Variants in DENND2B observed in about 807,000 individuals in gnomAD.
DENND2B encodes the protein DENN domain-containing protein 2B.
In DENND2B, 32 loss-of-function variants were observed where a neutral mutation model predicts 116.0. The ratio of observed to expected loss-of-function variants is 0.28; its 90% CI spans 0.21 to 0.37. The LOEUF is 0.37. DENND2B is among the 10% of genes least tolerant of loss of function. The pLI is 1.00. For missense variants in DENND2B, 1,276 were observed against 1,477.7 expected, an observed-to-expected ratio of 0.86 and a Z score of 2.24; for synonymous variants, 588 against 583.9, an observed-to-expected ratio of 1.01 and a Z score of -0.10.
chr11:8,830,441 G>A (rs191553633), intron 4 of DENND2B, among the ~76,000 whole-genome samples: 1 of 152,270 alleles, frequency 6.6e-6, no homozygotes, highest in Admixed American at 6.5e-5. Flanking sequence ...TTCTCTACTT[G>A]TTTAACAAAC....
At chr11:8,728,931 G>A (rs1009620845) in intron 3 of DENND2B, among the ~76,000 whole-genome samples, 13 of 152,180 alleles carry the variant, frequency 8.5e-5, no homozygotes, top group African/African-American at 2.4e-4. Context: ...TTGGCAGGCC[G>A]TTTAAGAATT....
upstream of DENND2B, chr11:8,811,092 G>A (rs2061353000): frequency 2.6e-6 from 1 of 391,460 alleles, no homozygotes; most frequent in East Asian, 3.6e-5. Flanking sequence ...GCGCTTGAAG[G>A]GGACCCAGCT....
chr11:8,842,655 T>A (rs770922522), intron 3 of DENND2B, among the ~76,000 whole-genome samples: 11 of 152,122 alleles, frequency 7.2e-5, no homozygotes, highest in Non-Finnish European at 1.3e-4. Flanking sequence ...GGAAAAAAAT[T>A]GTCATAAATA....
chr11:8,761,541 G>A (rs569301753), intron 1 of DENND2B, among the ~76,000 whole-genome samples: 1 of 152,310 alleles, frequency 6.6e-6, no homozygotes, highest in African/African-American at 2.4e-5. Context: ...TCCTGCACAT[G>A]CCAGGAATGT....
intron 1 of DENND2B, among the ~76,000 whole-genome samples, chr11:8,764,074 A>G (rs1220994942): frequency 2.0e-5 from 3 of 152,112 alleles, no homozygotes; most frequent in Non-Finnish European, 4.4e-5. Context: ...AAATACAAAA[A>G]TTAGCTAGGC....
intron 1 of DENND2B, among the ~76,000 whole-genome samples, chr11:8,752,777 G>A (rs751782264): frequency 5.3e-5 from 8 of 152,058 alleles, no homozygotes; most frequent in Non-Finnish European, 1.2e-4. Flanking sequence ...GGAATATGAA[G>A]ATTAAAATTT....
chr11:8,890,932 A>G (rs867154404), intron 1 of DENND2B, among the ~76,000 whole-genome samples: 12 of 152,164 alleles, frequency 7.9e-5, no homozygotes, highest in African/African-American at 2.9e-4. Flanking sequence ...TCCAAGACAC[A>G]TAATTGTCAG....
At chr11:8,899,377 A>G (rs1036606544) in intron 1 of DENND2B, among the ~76,000 whole-genome samples, 2 of 152,162 alleles carry the variant, frequency 1.3e-5, no homozygotes, top group African/African-American at 4.8e-5. Context: ...CATAAACACA[A>G]AGAGGTCCAT....
rs1459220301 is a variant in DENND2B, at chr11:8,894,885, G to A, written c.-255-13776C>T. Among the ~76,000 whole-genome samples, 364 of 152,182 alleles carry A rather than the reference G, an allele frequency of 2.4e-3. 3 individuals carry two copies. Among genetic ancestry groups the A allele is most frequent in the Middle Eastern group, 6.8e-3 (2 of 294 alleles). Reference sequence around the variant, plus strand: ...AACTAGAAATACCATTTGACCCAGTGATCCCATTTCTGGGTATATACCCAA... The same window carrying A: ...AACTAGAAATACCATTTGACCCAGTAATCCCATTTCTGGGTATATACCCAA... On this transcript the variant is annotated intron_variant, in intron 1 of 22. Transcript: ENST00000534127.
intron 3 of DENND2B, 90 bp downstream of exon 3, chr11:8,729,860 T>A: frequency 6.6e-7 from 1 of 1,516,434 alleles, no homozygotes; most frequent in Non-Finnish European, 8.9e-7. Flanking sequence ...CACTAATGAC[T>A]GCGACCCATC....
At chr11:8,772,666 T>C (rs1334209233) in intron 1 of DENND2B, among the ~76,000 whole-genome samples, 1 of 151,922 alleles carries the variant, frequency 6.6e-6, no homozygotes, top group African/African-American at 2.4e-5. Flanking sequence ...TATGGGATGG[T>C]GCAAAATGAG....
At chr11:8,718,139 C>A in intron 4 of DENND2B, 1 of 559,168 alleles carries the variant, frequency 1.8e-6, no homozygotes, top group Non-Finnish European at 3.2e-6. Context: ...CCCAGCTCAG[C>A]CTGGCCTCTG....
At chr11:8,763,450 A>C (rs1221861324) in intron 1 of DENND2B, among the ~76,000 whole-genome samples, 1 of 152,114 alleles carries the variant, frequency 6.6e-6, no homozygotes, top group Non-Finnish European at 1.5e-5. Flanking sequence ...TGTGCATAAC[A>C]ACACTATTCA....
At chr11:8,902,176 A>G (rs1297314316) in intron 1 of DENND2B, among the ~76,000 whole-genome samples, 1 of 152,040 alleles carries the variant, frequency 6.6e-6, no homozygotes, top group Non-Finnish European at 1.5e-5. Context: ...AAATACAAAA[A>G]GTAGCCGGGT....
chr11:8,883,087 C>T (rs1262382917), intron 1 of DENND2B, among the ~76,000 whole-genome samples: 1 of 152,176 alleles, frequency 6.6e-6, no homozygotes, highest in African/African-American at 2.4e-5. Context: ...GTTACTTGCA[C>T]AGAATTCAAA....
chr11:8,797,104 T>G (rs2059882617), intron 1 of DENND2B, among the ~76,000 whole-genome samples: 1 of 152,206 alleles, frequency 6.6e-6, no homozygotes, highest in Non-Finnish European at 1.5e-5. Context: ...AACACATGCT[T>G]GGAATCAAAC....
chr11:8,742,262 GCT>G (rs2133994152), intron 2 of DENND2B, among the ~76,000 whole-genome samples: 1 of 152,258 alleles, frequency 6.6e-6, no homozygotes, highest in African/African-American at 2.4e-5. Context: ...TCCCTGCAGT[GCT>G]CTGTCTGAAT....
At chr11:8,699,149 G>A (rs1281190946) in intron 15 of DENND2B, 64 bp downstream of exon 15, 14 of 1,520,844 alleles carry the variant, frequency 9.2e-6, no homozygotes, top group Non-Finnish European at 8.8e-7. Context: ...GGGGCCACAA[G>A]TAAGATCCCA....
intron 3 of DENND2B, among the ~76,000 whole-genome samples, chr11:8,729,353 C>A (rs944925385): frequency 1.3e-5 from 2 of 152,168 alleles, no homozygotes; most frequent in Admixed American, 1.3e-4. Context: ...AGGAAACCAA[C>A]GTGAGCCTCG....
Sources: allele counts gnomAD v4.1 joint callset (sites outside exome capture counted in the v4.1 genomes callset), GRCh38; gene constraint gnomAD v4.1.1; transcripts MANE v1.5; gene names NCBI Gene and HGNC (gene_info 2026-07-23, HGNC 2026-07-21).